The following CFAP47 variants were observed in gnomAD, a reference collection of about 807,000 sequenced individuals.
CFAP47 encodes cilia and flagella associated protein 47.
A neutral mutation model predicts 148.1 loss-of-function variants in CFAP47; 29 were observed. The observed-to-expected ratio is 0.20, with a 90% CI of 0.15 to 0.27. The LOEUF (loss-of-function observed/expected upper bound fraction) is 0.27, where lower values mean the gene tolerates loss of function less well. Ranked by LOEUF, CFAP47 falls within the 10% of genes least tolerant of loss-of-function variation. CFAP47 has a pLI of 1.00. For synonymous variants in CFAP47, 664 were observed against 577.3 expected (o/e 1.15, Z -2.15); for missense variants, 1,872 against 1,697.5 (o/e 1.10, Z -1.81).
chrX:36,209,693 C>T (rs1486696207), intron 45 of CFAP47, among the ~76,000 whole-genome samples: 1 of 111,635 alleles, frequency 9.0e-6, no homozygotes, highest in Non-Finnish European at 1.9e-5. Context: ...TGCTCACACT[C>T]AGATCTCTAA....
chrX:36,256,379 T>C (rs782283386), intron 49 of CFAP47, among the ~76,000 whole-genome samples: 23 of 112,166 alleles, frequency 2.1e-4, no homozygotes, highest in African/African-American at 7.4e-4. Context: ...TAAAGATGCA[T>C]GTTCACAACA....
intron 42 of CFAP47, among the ~76,000 whole-genome samples, chrX:36,195,810 G>A (rs782060173): frequency 3.5e-3 from 391 of 111,525 alleles, no homozygotes; most frequent in Non-Finnish European, 5.8e-3. Context: ...GAGCAAATTG[G>A]TGACACATTT....
intron 51 of CFAP47, among the ~76,000 whole-genome samples, 189 bp from the exon 52 acceptor site, chrX:36,298,788 A>G (rs1556007277): frequency 8.9e-6 from 1 of 111,835 alleles, no homozygotes; most frequent in Non-Finnish European, 1.9e-5. Flanking sequence ...GTTACAATTT[A>G]TCAAGGCTAA....
chrX:36,351,570 G>A (rs993752637), intron 59 of CFAP47, among the ~76,000 whole-genome samples: 11 of 111,852 alleles, frequency 9.8e-5, no homozygotes, highest in Middle Eastern at 4.2e-3. Context: ...CCATGCTTAT[G>A]AGAACACAAA....
intron 49 of CFAP47, among the ~76,000 whole-genome samples, chrX:36,266,692 C>G (rs1876239916): frequency 9.0e-6 from 1 of 110,651 alleles, no homozygotes; most frequent in African/African-American, 3.3e-5. Flanking sequence ...TGAGGCTGCA[C>G]TGCGTGTAGG....
At chrX:36,046,791 C>T in intron 25 of CFAP47, 63 bp from the exon 26 acceptor site, 1 of 714,109 alleles carries the variant, frequency 1.4e-6, no homozygotes, top group South Asian at 3.4e-5. Flanking sequence ...ATGAAATATA[C>T]ATTTAAAGCC....
At chrX:36,344,112 G>C (rs1235300225) in intron 57 of CFAP47, among the ~76,000 whole-genome samples, 1 of 108,766 alleles carries the variant, frequency 9.2e-6, no homozygotes, top group Non-Finnish European at 1.9e-5. Context: ...GATAGCATTG[G>C]GAGATACACC....
intron 45 of CFAP47, among the ~76,000 whole-genome samples, chrX:36,223,244 G>A (rs1030203453): frequency 9.1e-6 from 1 of 110,086 alleles, no homozygotes; most frequent in Non-Finnish European, 1.9e-5. Flanking sequence ...CCAGTCTCAG[G>A]TATTTCTTTA....
chrX:35,981,025 G>T (rs900987256), intron 15 of CFAP47, among the ~76,000 whole-genome samples: 12 of 109,444 alleles, frequency 1.1e-4, no homozygotes, highest in Non-Finnish European at 2.3e-4. Flanking sequence ...ATTACATAAA[G>T]AAATAGCTAT....
intron 49 of CFAP47, among the ~76,000 whole-genome samples, chrX:36,258,736 G>C (rs1555999489): frequency 9.0e-6 from 1 of 111,652 alleles, no homozygotes; most frequent in Non-Finnish European, 1.9e-5. Flanking sequence ...CCACTTTCAG[G>C]CTGTAGAACC....
chrX:36,025,491 A>G (rs1488520822), intron 22 of CFAP47, among the ~76,000 whole-genome samples: 1 of 109,971 alleles, frequency 9.1e-6, no homozygotes, highest in Non-Finnish European at 1.9e-5. Flanking sequence ...AAAAAAAAAA[A>G]GTAGTTGAAT....
intron 26 of CFAP47, among the ~76,000 whole-genome samples, chrX:36,061,036 TGGA>T (rs1937589670): frequency 9.0e-6 from 1 of 111,694 alleles, no homozygotes; most frequent in South Asian, 3.7e-4. Flanking sequence ...GCCCCAATAT[TGGA>T]GGAGGGGCCC....
At chrX:36,175,034 G>A (rs868129742) in intron 39 of CFAP47, among the ~76,000 whole-genome samples, 10 of 110,283 alleles carry the variant, frequency 9.1e-5, no homozygotes, top group East Asian at 5.6e-4. Flanking sequence ...TTCCCTTCTC[G>A]CTTCATTTCA....
Position 35,967,701 on chromosome X carries a change from A to G in CFAP47, c.1683A>G (p.Ala561=). 8.3e-7 allele frequency: 1 copy of G among 1,209,773 alleles called. No individual in the cohort carries two copies. Among genetic ancestry groups the G allele is most frequent in the African/African-American group, 1.7e-5 (1 of 57,707 alleles). The change falls in exon 10 of 64, where the codon GCA becomes GCG. Residue 561 remains alanine (A), a synonymous_variant. Transcript: ENST00000378653. ...AACGCAAGAATTATGCACCTGTAGC[A>G]ATGCTTCAATCAGCCATGACACGCA... is the stretch of plus-strand genomic sequence containing the variant. ...LAKRKNYAPV[A]MLQSAMTRTH... is the part of the protein sequence containing the mutation.
chrX:35,973,464 C>T (rs1248206345), intron 13 of CFAP47, among the ~76,000 whole-genome samples: 2 of 112,099 alleles, frequency 1.8e-5, no homozygotes, highest in African/African-American at 6.5e-5. Context: ...GCTGGGATTA[C>T]AGGTGTAAGC....
chrX:36,066,754 C>T (rs746743357), intron 27 of CFAP47, among the ~76,000 whole-genome samples: 1 of 111,832 alleles, frequency 8.9e-6, no homozygotes, highest in Admixed American at 9.5e-5. Context: ...ACTGTATTTT[C>T]CCAGTGGCCA....
At chrX:36,212,140 C>T (rs1940109197) in intron 45 of CFAP47, among the ~76,000 whole-genome samples, 1 of 111,983 alleles carries the variant, frequency 8.9e-6, no homozygotes, top group Non-Finnish European at 1.9e-5. Context: ...GAAACAGTTT[C>T]AGCTGTTTTG....
At chrX:36,231,596 C>T (rs1298111643) in intron 46 of CFAP47, among the ~76,000 whole-genome samples, 3 of 110,932 alleles carry the variant, frequency 2.7e-5, no homozygotes, top group Non-Finnish European at 5.7e-5. Flanking sequence ...TAATTGAATA[C>T]CCTTTATTTC....
At chrX:36,171,729 T>C (rs1939582356) in intron 39 of CFAP47, among the ~76,000 whole-genome samples, 3 of 111,780 alleles carry the variant, frequency 2.7e-5, no homozygotes, top group Non-Finnish European at 5.6e-5. Context: ...AGTCAGGTAG[T>C]GTGATGCCTC....
Sources: gnomAD v4.1 joint callset for allele counts (sites outside exome capture counted in the v4.1 genomes callset) on GRCh38, gnomAD v4.1.1 for gene constraint, MANE v1.5 for transcripts, NCBI Gene and HGNC (gene_info 2026-07-23, HGNC 2026-07-21) for gene names.